DOCK2: variants seen among roughly 807,000 people sequenced by gnomAD.
DOCK2 encodes dedicator of cytokinesis 2, also known as dedicator of cytokinesis protein 2.
Under a neutral mutation model 248.9 loss-of-function variants are expected in DOCK2, and 87 were observed. That is an observed-to-expected ratio of 0.35 (90% CI 0.29 to 0.42). The LOEUF (loss-of-function observed/expected upper bound fraction) is 0.42. Among genes scored for constraint, DOCK2 ranks in the 10% least tolerant of loss-of-function variants. DOCK2 has a pLI of 1.00. For synonymous variants in DOCK2, 805 were observed against 821.6 expected (o/e 0.98, Z 0.35); for missense variants, 1,747 against 2,300.2 (o/e 0.76, Z 4.92).
chr5:169,864,526 C>A, intron 27 of DOCK2: 1 of 1,214,262 alleles, frequency 8.2e-7, no homozygotes, highest in Non-Finnish European at 1.1e-6. Flanking sequence ...AAGCATCTCT[C>A]AGCCCCAACT....
chr5:169,809,132 A>G lies in DOCK2; in HGVS notation c.2703+5926A>G, dbSNP rs144656175. Among the ~76,000 whole-genome samples the G allele has an allele frequency of 2.7e-3, 412 of 152,224 alleles. 4 individuals carry two copies. The highest frequency in any genetic ancestry group is 0.017 in the Middle Eastern group (5 of 294). ...CAGCTGGCTGAGTAGCTGAGATTAC[A>G]GGTGCCAGCCACTGCTCCCAGCTAA... On this transcript the variant is annotated intron_variant, in intron 26 of 51. Transcript: ENST00000520908.
chr5:169,994,456 G>A (rs533365982), intron 29 of DOCK2, among the ~76,000 whole-genome samples: 1 of 152,300 alleles, frequency 6.6e-6, no homozygotes, highest in South Asian at 2.1e-4. Context: ...TCTGAAATTA[G>A]AGATGCGGCT....
intron 27 of DOCK2, among the ~76,000 whole-genome samples, chr5:169,923,907 A>G (rs1415659958): frequency 6.6e-6 from 1 of 152,222 alleles, no homozygotes; most frequent in Non-Finnish European, 1.5e-5. Context: ...TTGTGGGATA[A>G]GCAATCTGCT....
chr5:170,046,468 C>G (rs1756715443), intron 39 of DOCK2, among the ~76,000 whole-genome samples: 1 of 152,098 alleles, frequency 6.6e-6, no homozygotes, highest in African/African-American at 2.4e-5. Flanking sequence ...TCCCGCCCAT[C>G]CTCCCCACAT....
intron 33 of DOCK2, among the ~76,000 whole-genome samples, chr5:170,023,966 A>G (rs1482612302): frequency 1.3e-5 from 2 of 152,262 alleles, no homozygotes; most frequent in Non-Finnish European, 2.9e-5. Flanking sequence ...TAAAGCAGCC[A>G]GGAGAGGCAA....
chr5:169,699,406 A>T lies in DOCK2; in HGVS notation c.1080A>T (p.Leu360=). The part of the protein sequence containing the change: ...FHPVTAENDF[L]HSLLGKVIAS... ...GGGTTACAGCTGAGAATGACTTCCT[A>T]CACAGCCTGCTGGGCAAAGTCATAG... is the stretch of plus-strand genomic sequence containing the variant. Residue 360 remains leucine (L), a synonymous_variant, in exon 12 of 52, where the codon CTA becomes CTT. Transcript: ENST00000520908. 6.2e-7 allele frequency: 1 copy of T among 1,613,316 alleles called. No individual in the cohort carries two copies. Among genetic ancestry groups the T allele is most frequent in the Non-Finnish European group, 8.5e-7 (1 of 1,179,498 alleles).
intron 25 of DOCK2, among the ~76,000 whole-genome samples, chr5:169,794,166 G>A (rs574916901): frequency 5.3e-4 from 81 of 152,148 alleles, no homozygotes; most frequent in Middle Eastern, 3.4e-3. Flanking sequence ...CACCCGCCGG[G>A]TCTGAACATT....
intron 32 of DOCK2, among the ~76,000 whole-genome samples, chr5:170,018,728 G>A (rs1199300766): frequency 1.3e-5 from 2 of 152,174 alleles, no homozygotes; most frequent in African/African-American, 2.4e-5. Flanking sequence ...ACGCACGCCC[G>A]TGTTATTAGC....
intron 27 of DOCK2, among the ~76,000 whole-genome samples, chr5:169,844,542 C>T (rs1770188279): frequency 6.6e-6 from 1 of 152,172 alleles, no homozygotes; most frequent in Non-Finnish European, 1.5e-5. Flanking sequence ...GGTGGGTGAC[C>T]CATCACACTA....
chr5:169,707,601 A>T (rs1271018334), intron 14 of DOCK2, among the ~76,000 whole-genome samples: 1 of 152,124 alleles, frequency 6.6e-6, no homozygotes, highest in African/African-American at 2.4e-5. Flanking sequence ...AGTACCAAGA[A>T]GATGTTTCCA....
At chr5:169,989,497 T>C (rs1778155444) in intron 29 of DOCK2, among the ~76,000 whole-genome samples, 1 of 152,228 alleles carries the variant, frequency 6.6e-6, no homozygotes, top group South Asian at 2.1e-4. Flanking sequence ...TCCAGGGTTG[T>C]AGGCAATGGA....
rs1351262190 is a variant in DOCK2, at chr5:169,840,763, A to G, written c.2710A>G (p.Thr904Ala). Residue 904 changes from threonine to alanine, a missense_variant, in exon 27 of 52, where the codon ACC becomes GCC. Physicochemically the swap from Thr to Ala is moderately conservative, Grantham distance 58 (BLOSUM62 0). Transcript: ENST00000520908. ...EVLSYQDAAF[T>A]YHHIQEIMVQ... ...GTCTCTGACTGTTTTACAGGCCTTC[A>G]CCTACCACCATATCCAGGAGATCAT... 7 of 1,613,702 alleles carry G rather than the reference A, an allele frequency of 4.3e-6. No homozygotes were observed. Among genetic ancestry groups the G allele is most frequent in the Non-Finnish European group, 5.9e-6 (7 of 1,179,916 alleles).
intron 25 of DOCK2, among the ~76,000 whole-genome samples, chr5:169,796,750 G>T (rs1444817592): frequency 6.6e-6 from 1 of 152,226 alleles, no homozygotes; most frequent in African/African-American, 2.4e-5. Context: ...TTAACAGCTA[G>T]AAGGGAAGGA....
At chr5:169,861,840 T>G (rs1771216768) in intron 27 of DOCK2, among the ~76,000 whole-genome samples, 1 of 152,180 alleles carries the variant, frequency 6.6e-6, no homozygotes, top group Non-Finnish European at 1.5e-5. Context: ...GCCCAAGCAA[T>G]GCGGTGTTGT....
intron 25 of DOCK2, among the ~76,000 whole-genome samples, chr5:169,795,700 C>T (rs1252709104): frequency 6.6e-6 from 1 of 152,168 alleles, no homozygotes; most frequent in Admixed American, 6.5e-5. Flanking sequence ...ATGGAGATCT[C>T]CCTTTGTGTC....
At chr5:169,966,027 A>G (rs987691827) in intron 27 of DOCK2, among the ~76,000 whole-genome samples, 4 of 152,220 alleles carry the variant, frequency 2.6e-5, no homozygotes, top group Admixed American at 2.0e-4. Flanking sequence ...GGAAAAATCC[A>G]CTGCCTTCCG....
At chr5:170,050,904 C>A (rs1459208569) in intron 41 of DOCK2, among the ~76,000 whole-genome samples, 1 of 152,172 alleles carries the variant, frequency 6.6e-6, no homozygotes, top group Non-Finnish European at 1.5e-5. Context: ...AAGCAAGGTG[C>A]AAGGGACTGG....
chr5:170,054,575 A>G (rs1017106790), intron 41 of DOCK2, among the ~76,000 whole-genome samples: 2 of 152,262 alleles, frequency 1.3e-5, no homozygotes, highest in East Asian at 1.9e-4. Context: ...CCATCCTGCC[A>G]TAGGCAGTTG....
chr5:169,682,404 C>A (rs916469572), intron 7 of DOCK2, among the ~76,000 whole-genome samples: 1 of 152,184 alleles, frequency 6.6e-6, no homozygotes, highest in Admixed American at 6.5e-5. Flanking sequence ...TGCATTCTGA[C>A]TATTCAAGGA....
Sources: gnomAD v4.1 joint callset for allele counts (sites outside exome capture counted in the v4.1 genomes callset) on GRCh38, gnomAD v4.1.1 for gene constraint, MANE v1.5 for transcripts, NCBI Gene and HGNC (gene_info 2026-07-23, HGNC 2026-07-21) for gene names.